The following SUCLG2 variants were observed in gnomAD, a reference collection of about 807,000 sequenced individuals.
SUCLG2 encodes succinate-CoA ligase GDP-forming subunit beta.
In SUCLG2, 42 loss-of-function variants were observed where a neutral mutation model predicts 47.9. The observed-to-expected ratio is 0.88, with a 90% confidence interval of 0.69 to 1.14. The LOEUF (loss-of-function observed/expected upper bound fraction) is 1.14, where lower values mean the gene tolerates loss of function less well. Ranked by LOEUF, SUCLG2 falls within the 50% of genes most tolerant of loss-of-function variation. The pLI is 0.00. For synonymous variants in SUCLG2, 195 were observed against 197.3 expected (o/e 0.99, Z 0.10); for missense variants, 571 against 525.9 (o/e 1.09, Z -0.84).
chr3:67,624,812 C>T (rs1700794878), intron 1 of SUCLG2, among the ~76,000 whole-genome samples: 1 of 152,202 alleles, frequency 6.6e-6, no homozygotes, highest in Admixed American at 6.5e-5. Context: ...AAAATTTATA[C>T]CCAAGTGCAG....
intron 9 of SUCLG2, among the ~76,000 whole-genome samples, chr3:67,428,270 C>T (rs140469656): frequency 0.019 from 2,885 of 152,314 alleles, 89 homozygotes; most frequent in African/African-American, 0.065. Flanking sequence ...CAGGCAGCAA[C>T]ATTTGCCGTT....
chr3:67,507,281 T>C (rs1441014311), intron 7 of SUCLG2, among the ~76,000 whole-genome samples: 1 of 152,198 alleles, frequency 6.6e-6, no homozygotes, highest in African/African-American at 2.4e-5. Flanking sequence ...GTCATCTGTA[T>C]AAATCATGAA....
intron 9 of SUCLG2, among the ~76,000 whole-genome samples, chr3:67,424,258 G>A (rs1415725080): frequency 6.6e-6 from 1 of 152,152 alleles, no homozygotes; most frequent in East Asian, 1.9e-4. Context: ...CACTGTGCCT[G>A]GGGAAGAGGA....
At chr3:67,464,763 T>C (rs1036319257) in intron 9 of SUCLG2, among the ~76,000 whole-genome samples, 3 of 152,252 alleles carry the variant, frequency 2.0e-5, no homozygotes, top group African/African-American at 7.2e-5. Context: ...TACTTTACTT[T>C]GTCTTTTAGA....
chr3:67,529,521 T>C (rs1706345884), intron 2 of SUCLG2, among the ~76,000 whole-genome samples: 1 of 152,154 alleles, frequency 6.6e-6, no homozygotes. Flanking sequence ...TTTTACTGTG[T>C]AATGGCACTC....
At chr3:67,497,772 T>C (rs1280790854) in intron 8 of SUCLG2, among the ~76,000 whole-genome samples, 1 of 152,168 alleles carries the variant, frequency 6.6e-6, no homozygotes, top group Non-Finnish European at 1.5e-5. Context: ...CCACAGCCAT[T>C]TGGAACTGTC....
intron 1 of SUCLG2, among the ~76,000 whole-genome samples, chr3:67,644,484 G>A (rs1701157562): frequency 6.6e-6 from 1 of 152,114 alleles, no homozygotes; most frequent in East Asian, 1.9e-4. Flanking sequence ...AGGGGAAGGG[G>A]AGATGGGGGA....
At chr3:67,363,825 A>T (rs1163506865) in intron 10 of SUCLG2, among the ~76,000 whole-genome samples, 1 of 135,908 alleles carries the variant, frequency 7.4e-6, no homozygotes, top group African/African-American at 2.7e-5. Flanking sequence ...AGCTCTGTAC[A>T]AAAGTAAATT....
chr3:67,602,380 T>C (rs1185707194), intron 2 of SUCLG2, among the ~76,000 whole-genome samples: 4 of 152,172 alleles, frequency 2.6e-5, no homozygotes, highest in Non-Finnish European at 5.9e-5. Flanking sequence ...GGAAGCTACA[T>C]GTACACTCCC....
intron 2 of SUCLG2, among the ~76,000 whole-genome samples, chr3:67,595,564 T>C (rs1394742848): frequency 1.3e-5 from 2 of 152,170 alleles, no homozygotes. Context: ...CTCATGAACA[T>C]GGCTCTGGAC....
In SUCLG2 at chr3:67,646,886, G is replaced by A. The variant is rs529990441; in HGVS notation, c.84+7617C>T. On this transcript the variant is annotated intron_variant, in intron 1 of 10. Transcript: ENST00000307227. ...ACTATATCCAGAAAGAGTACTCTAC[G>A]CATTAAACTGCCCTTGCCACTTCAC... Among the ~76,000 whole-genome samples the A allele has an allele frequency of 2.4e-4, 37 of 152,162 alleles. 1 individual carries two copies. Among genetic ancestry groups the A allele is most frequent in the South Asian group, 2.3e-3 (11 of 4,816 alleles).
intron 1 of SUCLG2, among the ~76,000 whole-genome samples, chr3:67,623,190 T>C (rs186166979): frequency 6.6e-6 from 1 of 152,278 alleles, no homozygotes; most frequent in Non-Finnish European, 1.5e-5. Context: ...ATCATCTCCA[T>C]GCAAAGTGTT....
intron 2 of SUCLG2, among the ~76,000 whole-genome samples, chr3:67,562,199 A>G (rs1189240655): frequency 6.6e-6 from 1 of 152,118 alleles, no homozygotes; most frequent in African/African-American, 2.4e-5. Context: ...TCCTTGTGTA[A>G]TCTTCAGTCA....
intron 9 of SUCLG2, among the ~76,000 whole-genome samples, chr3:67,461,711 C>A (rs572304079): frequency 6.6e-6 from 1 of 151,960 alleles, no homozygotes; most frequent in Non-Finnish European, 1.5e-5. Context: ...AGTAGCATAC[C>A]CACTCCAAAA....
At chr3:67,521,198 T>C (rs1329499199) in intron 4 of SUCLG2, among the ~76,000 whole-genome samples, 1 of 152,170 alleles carries the variant, frequency 6.6e-6, no homozygotes, top group Non-Finnish European at 1.5e-5. Context: ...CAAAAATATA[T>C]AAATGAGAAA....
At chr3:67,415,676 T>C (rs1203086961) in intron 9 of SUCLG2, among the ~76,000 whole-genome samples, 2 of 152,238 alleles carry the variant, frequency 1.3e-5, no homozygotes, top group Non-Finnish European at 1.5e-5. Context: ...ATGTCCTTTA[T>C]ATACACCAGA....
intron 9 of SUCLG2, among the ~76,000 whole-genome samples, chr3:67,405,178 C>T (rs4132747): frequency 0.052 from 7,926 of 152,224 alleles, 655 homozygotes; most frequent in African/African-American, 0.18. Context: ...GGTCCCCAGA[C>T]CCCAGACAGC....
At chr3:67,608,480 T>C (rs977624571) in intron 2 of SUCLG2, among the ~76,000 whole-genome samples, 3 of 152,198 alleles carry the variant, frequency 2.0e-5, no homozygotes, top group African/African-American at 7.2e-5. Flanking sequence ...AATTTCCTTT[T>C]TGTGTTATCA....
chr3:67,595,574 C>T (rs533164147), intron 2 of SUCLG2, among the ~76,000 whole-genome samples: 19 of 152,044 alleles, frequency 1.2e-4, no homozygotes, highest in South Asian at 4.2e-4. Flanking sequence ...TGGCTCTGGA[C>T]GCTGGAGGCC....
Sources: allele counts gnomAD v4.1 joint callset (sites outside exome capture counted in the v4.1 genomes callset), GRCh38; gene constraint gnomAD v4.1.1; transcripts MANE v1.5; gene names NCBI Gene and HGNC (gene_info 2026-07-23, HGNC 2026-07-21).